TENM3: variants seen among roughly 807,000 people sequenced by gnomAD.
TENM3 encodes the protein teneurin-3.
In TENM3, 63 loss-of-function variants were observed where a neutral mutation model predicts 255.1. The observed-to-expected ratio is 0.25, with a 90% CI of 0.20 to 0.30. The LOEUF (loss-of-function observed/expected upper bound fraction) is 0.30, where lower values mean the gene tolerates loss of function less well. Ranked by LOEUF, TENM3 falls within the 10% of genes least tolerant of loss-of-function variation. The probability of loss-of-function intolerance (pLI) is 1.00; values close to 1 mark genes in which losing one functional copy is unlikely to be tolerated. For missense variants in TENM3, 2,929 were observed against 3,461.1 expected, an observed-to-expected ratio of 0.85 and a Z score of 3.86; for synonymous variants, 1,306 against 1,322.3, an observed-to-expected ratio of 0.99 and a Z score of 0.27.
At chr4:181,496,177 A>C in the TENM3 span, among the ~76,000 whole-genome samples, 1 of 103,306 alleles carries the variant, frequency 9.7e-6, no homozygotes, top group Non-Finnish European at 2.6e-5. Context: ...AGGCCCAAGG[A>C]AAAAATAACA....
intron 3 of TENM3, among the ~76,000 whole-genome samples, chr4:182,381,959 G>C (rs1767605461): frequency 6.6e-6 from 1 of 152,212 alleles, no homozygotes; most frequent in Non-Finnish European, 1.5e-5. Context: ...GGGAGTAGAG[G>C]TCTTGAGTGA....
the TENM3 span, among the ~76,000 whole-genome samples, chr4:181,667,258 T>C: frequency 2.0e-5 from 3 of 152,184 alleles, no homozygotes. Flanking sequence ...TCTTAGGTTC[T>C]GCTCTTCCCT....
chr4:182,690,538 A>C (rs183650094), intron 12 of TENM3, among the ~76,000 whole-genome samples: 1 of 152,326 alleles, frequency 6.6e-6, no homozygotes, highest in African/African-American at 2.4e-5. Context: ...CCGATACATC[A>C]GAAGAAATGA....
chr4:182,787,563 A>G (rs1009716750), intron 24 of TENM3, among the ~76,000 whole-genome samples: 1 of 151,856 alleles, frequency 6.6e-6, no homozygotes, highest in South Asian at 2.1e-4. Flanking sequence ...GTGAAACCCC[A>G]TCTCTACCAA....
the TENM3 span, among the ~76,000 whole-genome samples, chr4:181,792,938 G>A: frequency 3.3e-5 from 5 of 151,764 alleles, no homozygotes; most frequent in African/African-American, 9.7e-5. Context: ...CTCTTTCAAG[G>A]TCATAGCCCT....
the TENM3 span, among the ~76,000 whole-genome samples, chr4:181,662,935 TAAAAG>T: frequency 1.3e-5 from 2 of 152,098 alleles, no homozygotes; most frequent in Non-Finnish European, 2.9e-5. Flanking sequence ...CAATTAAAGA[TAAAAG>T]ATAAGGATAA....
intron 3 of TENM3, among the ~76,000 whole-genome samples, chr4:182,572,668 GA>G (rs1744512789): frequency 6.6e-6 from 1 of 152,004 alleles, no homozygotes. Context: ...GAGCTAAGTA[GA>G]AAAAAACAAA....
chr4:181,653,485 C>T, the TENM3 span, among the ~76,000 whole-genome samples: 1 of 152,164 alleles, frequency 6.6e-6, no homozygotes, highest in South Asian at 2.1e-4. Context: ...TCTCGGCTCA[C>T]TGCAACTTCC....
the TENM3 span, among the ~76,000 whole-genome samples, chr4:181,459,609 C>T: frequency 1.3e-5 from 2 of 151,898 alleles, no homozygotes; most frequent in African/African-American, 4.8e-5. Context: ...ACTTTCCTCA[C>T]TGGATTATCT....
At chr4:181,786,482 T>C in the TENM3 span, among the ~76,000 whole-genome samples, 1 of 151,464 alleles carries the variant, frequency 6.6e-6, no homozygotes, top group Admixed American at 6.6e-5. Context: ...CTAAAGAAGG[T>C]GAGGGATGAG....
At chr4:182,539,480 A>G (rs1339975216) in intron 3 of TENM3, among the ~76,000 whole-genome samples, 1 of 152,104 alleles carries the variant, frequency 6.6e-6, no homozygotes, top group African/African-American at 2.4e-5. Flanking sequence ...AATGAGAGGA[A>G]TAACATGGTA....
At chr4:182,024,915 A>C in the TENM3 span, among the ~76,000 whole-genome samples, 12 of 151,832 alleles carry the variant, frequency 7.9e-5, no homozygotes, top group South Asian at 2.5e-3. Flanking sequence ...AGATCCCACA[A>C]AAAAAAAGTG....
chr4:181,922,700 A>G, the TENM3 span, among the ~76,000 whole-genome samples: 1 of 151,178 alleles, frequency 6.6e-6, no homozygotes, highest in Non-Finnish European at 1.5e-5. Flanking sequence ...TGGATTCATT[A>G]ATTTTTTGAA....
chr4:182,556,264 A>G (rs1742577438), intron 3 of TENM3, among the ~76,000 whole-genome samples: 1 of 152,244 alleles, frequency 6.6e-6, no homozygotes, highest in South Asian at 2.1e-4. Flanking sequence ...ATTGCAATGC[A>G]CACAGGCACT....
intron 14 of TENM3, 54 bp downstream of exon 14, chr4:182,729,235 T>C (rs1760483389): frequency 6.9e-7 from 1 of 1,438,994 alleles, no homozygotes; most frequent in Non-Finnish European, 9.8e-7. Context: ...AACAGTTACA[T>C]ACACTTATGT....
the TENM3 span, among the ~76,000 whole-genome samples, chr4:181,758,966 A>T: frequency 6.6e-6 from 1 of 152,258 alleles, no homozygotes; most frequent in Admixed American, 6.5e-5. Context: ...TGTTAAACAA[A>T]CTCATGTTTT....
chr4:182,583,274 C>A (rs1489308759), intron 3 of TENM3, among the ~76,000 whole-genome samples: 1 of 150,982 alleles, frequency 6.6e-6, no homozygotes, highest in Non-Finnish European at 1.5e-5. Flanking sequence ...TTGTAAAATG[C>A]AAACTGATAA....
At chr4:181,806,293 G>A in the TENM3 span, among the ~76,000 whole-genome samples, 6 of 152,082 alleles carry the variant, frequency 3.9e-5, no homozygotes, top group Admixed American at 2.6e-4. Context: ...TCATCCCCAC[G>A]CCTGTGTCTT....
intron 3 of TENM3, among the ~76,000 whole-genome samples, chr4:182,382,707 C>T (rs573107037): frequency 1.3e-5 from 2 of 152,296 alleles, no homozygotes; most frequent in Admixed American, 6.5e-5. Flanking sequence ...CAGCCAGATC[C>T]ACTCTGCACA....
Sources: allele counts gnomAD v4.1 joint callset (sites outside exome capture counted in the v4.1 genomes callset), GRCh38; gene constraint gnomAD v4.1.1; transcripts MANE v1.5; gene names NCBI Gene and HGNC (gene_info 2026-07-23, HGNC 2026-07-21).